Variants in PBX1 observed in about 807,000 individuals in gnomAD.
The protein encoded by PBX1 is pre-B-cell leukemia transcription factor 1.
In PBX1, 6 loss-of-function variants were observed where a neutral mutation model predicts 53.4. The ratio of observed to expected loss-of-function variants is 0.11; its 90% confidence interval spans 0.06 to 0.22. The LOEUF (loss-of-function observed/expected upper bound fraction) is 0.22. Among genes scored for constraint, PBX1 ranks in the 10% least tolerant of loss-of-function variants. The probability of loss-of-function intolerance (pLI) is 1.00; values close to 1 mark genes in which losing one functional copy is unlikely to be tolerated. For missense variants in PBX1, 251 were observed against 551.4 expected, an observed-to-expected ratio of 0.46 and a Z score of 5.46; for synonymous variants, 204 against 212.3, an observed-to-expected ratio of 0.96 and a Z score of 0.34.
chr1:164,811,336 G>T (rs979168569), intron 5 of PBX1, among the ~76,000 whole-genome samples: 1 of 152,164 alleles, frequency 6.6e-6, no homozygotes, highest in Non-Finnish European at 1.5e-5. Flanking sequence ...TATTGTGTCT[G>T]CTGGCTTTAA....
chr1:164,636,676 A>G (rs1412609339), intron 2 of PBX1, among the ~76,000 whole-genome samples: 3 of 152,170 alleles, frequency 2.0e-5, no homozygotes, highest in South Asian at 2.1e-4. Context: ...TCTTCTCATC[A>G]TGGCTTTGAC....
intron 2 of PBX1, among the ~76,000 whole-genome samples, chr1:164,598,972 G>T (rs1655959332): frequency 6.6e-6 from 1 of 151,794 alleles, no homozygotes; most frequent in Non-Finnish European, 1.5e-5. Context: ...ATCCTGGTTT[G>T]TCCAGCTCCA....
intron 4 of PBX1, 65 bp downstream of exon 4, chr1:164,799,954 G>A (rs1668985677): frequency 1.4e-6 from 2 of 1,443,836 alleles, no homozygotes; most frequent in East Asian, 4.7e-5. Context: ...GGAGTCCACA[G>A]CCGCTGCCCC....
chr1:164,721,120 G>A (rs1398827738), intron 2 of PBX1, among the ~76,000 whole-genome samples: 1 of 152,190 alleles, frequency 6.6e-6, no homozygotes, highest in South Asian at 2.1e-4. Context: ...CTGCGAGTCT[G>A]TAAGCATTCT....
At chr1:164,714,509 A>G (rs12747085) in intron 2 of PBX1, among the ~76,000 whole-genome samples, 6 of 151,896 alleles carry the variant, frequency 4.0e-5, no homozygotes, top group Non-Finnish European at 8.8e-5. Flanking sequence ...TTATATCATT[A>G]TTTTAAGATA....
intron 2 of PBX1, among the ~76,000 whole-genome samples, chr1:164,744,639 C>A (rs911224797): frequency 2.0e-5 from 3 of 152,168 alleles, no homozygotes; most frequent in Non-Finnish European, 4.4e-5. Flanking sequence ...GGCACAGAGT[C>A]ATTGCCCAGT....
chr1:164,741,703 G>C (rs2102167934), intron 2 of PBX1, among the ~76,000 whole-genome samples: 1 of 151,256 alleles, frequency 6.6e-6, no homozygotes, highest in South Asian at 2.1e-4. Context: ...GTGTGAAACT[G>C]GTATCCTAGG....
At chr1:164,669,962 G>A (rs1404929166) in intron 2 of PBX1, among the ~76,000 whole-genome samples, 2 of 152,178 alleles carry the variant, frequency 1.3e-5, no homozygotes, top group Non-Finnish European at 2.9e-5. Flanking sequence ...CTGGGCTTCT[G>A]TAAGCCCTTT....
chr1:164,684,531 A>T (rs1336649909), intron 2 of PBX1: 1 of 152,198 alleles, frequency 6.6e-6, no homozygotes, highest in Admixed American at 6.5e-5. Flanking sequence ...GCAGACCAGG[A>T]TTCTTCTTTG....
intron 2 of PBX1, among the ~76,000 whole-genome samples, chr1:164,752,206 T>TTGTG (rs10629820): frequency 0.095 from 13,565 of 142,942 alleles, 702 homozygotes; most frequent in East Asian, 0.15. Flanking sequence ...CTTTAAGGTT[T>TTGTG]TGTGTGTGTG....
At chr1:164,591,608 T>C (rs1369855222) in intron 2 of PBX1, among the ~76,000 whole-genome samples, 1 of 152,248 alleles carries the variant, frequency 6.6e-6, no homozygotes, top group African/African-American at 2.4e-5. Flanking sequence ...ATTAAAAGTA[T>C]GTCTGTCATG....
rs59042806 is a variant in PBX1, at chr1:164,724,670, ATTTTTTTTTTTTTTTTTTTT to A, written c.266-67804_266-67785del. Among the ~76,000 whole-genome samples the A allele has an allele frequency of 7.3e-4, 35 of 48,238 alleles. 1 individual carries two copies. Among genetic ancestry groups the A allele is most frequent in the African/African-American group, 2.1e-3 (32 of 15,186 alleles). 31.6% of individuals were successfully genotyped at this position (48,238 alleles called of 152,430 possible). On this transcript the variant is annotated intron_variant, in intron 2 of 8. Coordinates refer to ENST00000420696, the MANE Select transcript of PBX1 (RefSeq NM_002585.4). ...CAGATGCCCATTGCAATAGCTGCAG[ATTTTTTTTTTTTTTTTTTTT>A]TTTTTTTTTTTTTTTTTTTAGTGCC...
chr1:164,655,054 A>T (rs1442243425), intron 2 of PBX1, among the ~76,000 whole-genome samples: 3 of 147,916 alleles, frequency 2.0e-5, no homozygotes, highest in Non-Finnish European at 4.5e-5. Flanking sequence ...TATCCAAAGG[A>T]GTTATTCATT....
At chr1:164,739,159 A>G (rs12058384) in intron 2 of PBX1, among the ~76,000 whole-genome samples, 26,751 of 152,120 alleles carry the variant, frequency 0.18, 3,060 homozygotes, top group South Asian at 0.35. Context: ...TCTCATCTAA[A>G]ATAAAATATC....
At chr1:164,876,532 A>G (rs906271565) in intron 2 of PBX1, among the ~76,000 whole-genome samples, 4 of 151,654 alleles carry the variant, frequency 2.6e-5, no homozygotes, top group Admixed American at 6.6e-5. Context: ...GGGCTAATCT[A>G]TAAGTGGGGG....
chr1:164,602,228 G>C (rs1656225179), intron 2 of PBX1, among the ~76,000 whole-genome samples: 1 of 152,130 alleles, frequency 6.6e-6, no homozygotes, highest in Non-Finnish European at 1.5e-5. Flanking sequence ...GGTATGGGCT[G>C]AAGGGAAACA....
At chr1:164,670,421 A>C (rs1307735456) in intron 2 of PBX1, among the ~76,000 whole-genome samples, 3 of 152,190 alleles carry the variant, frequency 2.0e-5, no homozygotes, top group Non-Finnish European at 4.4e-5. Context: ...TCTCATTAAA[A>C]AATATGTATG....
At chr1:164,863,482 G>A (rs115350502) in intron 2 of PBX1, among the ~76,000 whole-genome samples, 100 of 152,292 alleles carry the variant, frequency 6.6e-4, no homozygotes, top group African/African-American at 2.3e-3. Flanking sequence ...GGTGTTTACT[G>A]TCTAGTGGGG....
At chr1:164,606,740 C>T (rs1656587852) in intron 2 of PBX1, among the ~76,000 whole-genome samples, 1 of 152,162 alleles carries the variant, frequency 6.6e-6, no homozygotes, top group Non-Finnish European at 1.5e-5. Flanking sequence ...GTAGAGTCTT[C>T]ATATTTATTT....
Sources: gnomAD v4.1 joint callset for allele counts (sites outside exome capture counted in the v4.1 genomes callset) on GRCh38, gnomAD v4.1.1 for gene constraint, MANE v1.5 for transcripts, NCBI Gene and HGNC (gene_info 2026-07-23, HGNC 2026-07-21) for gene names.